Variants in SNX11 observed in about 807,000 individuals in gnomAD.
The protein encoded by SNX11 is sorting nexin-11.
A neutral mutation model predicts 30.7 loss-of-function variants in SNX11; 19 were observed. The observed-to-expected ratio is 0.62, with a 90% confidence interval of 0.43 to 0.91. The LOEUF (loss-of-function observed/expected upper bound fraction) is 0.91. Among genes scored for constraint, SNX11 ranks in the 40% least tolerant of loss-of-function variants. SNX11 has a pLI of 0.00. For synonymous variants in SNX11, 112 were observed against 119.0 expected, an observed-to-expected ratio of 0.94 and a Z score of 0.38; for missense variants, 302 against 326.7, an observed-to-expected ratio of 0.92 and a Z score of 0.58.
In SNX11 at chr17:48,120,355, T is replaced by C. The variant is rs552506314; in HGVS notation, c.540-880T>C. 1.3e-4 allele frequency among the ~76,000 whole-genome samples: 20 copies of C among 150,724 alleles called. 1 individual carries two copies. The South Asian group carries it at 3.4e-3, about 25-fold the overall frequency. On this transcript the variant is annotated intron_variant, in intron 6 of 6. Coordinates refer to ENST00000359238, the MANE Select transcript of SNX11 (RefSeq NM_013323.3). ...CCTAGTAGCTGGGATTACAGGCACC[T>C]GCCACCACACCCAGCTAAGTTTTTG...
rs760278619 is a variant in SNX11, at chr17:48,119,104, C to T, written c.457C>T (p.Arg153Ter). ...CATGACTGTGTCTGATGCCATTCTTCGATATGCTATGTCAAACTGTGGCTG... is the reference window on the plus strand; with the variant it reads ...CATGACTGTGTCTGATGCCATTCTTTGATATGCTATGTCAAACTGTGGCTG... ...STMTVSDAIL[R>*]YAMSNCGWAQ... The change falls in exon 6 of 7, where the codon CGA (arginine) becomes TGA (stop). Residue 153 changes from arginine to a stop codon, truncating the protein, a stop_gained. Transcript: ENST00000359238. LOFTEE classifies it high-confidence loss of function. The T allele has an allele frequency of 7.4e-6, 12 of 1,613,870 alleles. No individual in the cohort carries two copies. In the East Asian group the frequency reaches 1.1e-4, roughly 15 times the overall value.
At position 48,114,216 on chromosome 17, in the gene SNX11, C is replaced by T. The variant is rs143473548; in HGVS notation, c.230+815C>T. Among the ~76,000 whole-genome samples the T allele has an allele frequency of 8.0e-3, 1,165 of 144,938 alleles. 8 individuals carry two copies. Among genetic ancestry groups the T allele is most frequent in the Non-Finnish European group, 0.012 (805 of 66,470 alleles). ...GAGTTTTGCTCTTGTTGCCTGGGTG[C>T]GATCTCGGCTCACCGCAACCTCCAC... is the stretch of plus-strand genomic sequence containing the variant. On this transcript the variant is annotated intron_variant, in intron 4 of 6. Transcript: ENST00000359238.
chr17:48,119,831 G>A (rs2063580749), intron 6 of SNX11, among the ~76,000 whole-genome samples: 1 of 152,150 alleles, frequency 6.6e-6, no homozygotes, highest in African/African-American at 2.4e-5. Flanking sequence ...TCACAGGGTT[G>A]TATAACTGTC....
chr17:48,116,902 T>C (rs12939514), intron 4 of SNX11, among the ~76,000 whole-genome samples: 139,102 of 148,526 alleles, frequency 0.94, 65,281 homozygotes, highest in African/African-American at 0.99. Flanking sequence ...TGCTCCTGTC[T>C]CATCCTGCAG....
intron 3 of SNX11, 86 bp from the exon 4 acceptor site, chr17:48,113,215 C>T: frequency 9.0e-7 from 1 of 1,105,716 alleles, no homozygotes; most frequent in Admixed American, 1.7e-5. Flanking sequence ...CATGGCTCCT[C>T]AGTGAAAGCA....
At chr17:48,113,267 C>A (rs1463790924) in intron 3 of SNX11, 34 bp from the exon 4 acceptor site, 1 of 1,548,540 alleles carries the variant, frequency 6.5e-7, no homozygotes, top group Non-Finnish European at 8.9e-7. Context: ...TCCACTAAAC[C>A]CTTTTCATGT....
At chr17:48,114,684 C>T (rs867254562) in intron 4 of SNX11, among the ~76,000 whole-genome samples, 24 of 112,854 alleles carry the variant, frequency 2.1e-4, no homozygotes, top group African/African-American at 4.2e-4. Context: ...GTTTTTTTTG[C>T]TTTTTTTTTT....
Position 48,119,137 on chromosome 17 carries a change from G to A in SNX11, c.490G>A (p.Glu164Lys), listed in dbSNP as rs2063574720. ...YAMSNCGWAQ[E>K]ERQSSSHLAK... ...TATGTCAAACTGTGGCTGGGCCCAGGAAGAGAGGCAGAGCTCTTCTCACCT... is the reference window on the plus strand; with the variant it reads ...TATGTCAAACTGTGGCTGGGCCCAGAAAGAGAGGCAGAGCTCTTCTCACCT... The change falls in exon 6 of 7, where the codon GAA becomes AAA. Residue 164 changes from glutamate to lysine, a missense_variant. Coordinates refer to ENST00000359238, the MANE Select transcript of SNX11 (RefSeq NM_013323.3). The A allele has an allele frequency of 6.2e-7, 1 of 1,614,142 alleles. No homozygotes were observed. The highest frequency in any genetic ancestry group is 8.5e-7 in the Non-Finnish European group (1 of 1,180,040).
At chr17:48,111,766 C>T (rs1274416100) in intron 1 of SNX11, among the ~76,000 whole-genome samples, 1 of 152,046 alleles carries the variant, frequency 6.6e-6, no homozygotes. Flanking sequence ...GACAAACTTT[C>T]TGTAGACTCC....
intron 4 of SNX11, among the ~76,000 whole-genome samples, chr17:48,115,856 T>C (rs77769564): frequency 0.027 from 4,151 of 151,504 alleles, 72 homozygotes; most frequent in African/African-American, 0.036. Flanking sequence ...CAGGCCCTAA[T>C]AAACCAGGTG....
chr17:48,109,743 A>T (rs1377688564), intron 1 of SNX11, among the ~76,000 whole-genome samples: 3 of 151,596 alleles, frequency 2.0e-5, no homozygotes, highest in African/African-American at 4.8e-5. Flanking sequence ...ACGCCCGCTA[A>T]TTTTTTTTAT....
At chr17:48,111,031 A>C (rs891696344) in intron 1 of SNX11, 11 of 941,854 alleles carry the variant, frequency 1.2e-5, no homozygotes, top group Admixed American at 6.2e-5. Context: ...GGCTTTAATG[A>C]ATCTTTACAA....
chr17:48,111,207 C>A, intron 1 of SNX11: 2 of 752,738 alleles, frequency 2.7e-6, no homozygotes, highest in Non-Finnish European at 3.2e-6. Context: ...CACTCAGGTG[C>A]TCCTTGGAGT....
chr17:48,108,147 ACT>A (rs1481196330), intron 1 of SNX11, among the ~76,000 whole-genome samples: 1 of 151,984 alleles, frequency 6.6e-6, no homozygotes, highest in Non-Finnish European at 1.5e-5. Flanking sequence ...GTAGTAAAAG[ACT>A]CTGGGGACAT....
chr17:48,117,964 A>G (rs1174519270), intron 4 of SNX11, among the ~76,000 whole-genome samples: 1 of 152,158 alleles, frequency 6.6e-6, no homozygotes, highest in Non-Finnish European at 1.5e-5. Flanking sequence ...GCGGCGAGCT[A>G]TGCTCACGTT....
At chr17:48,108,259 GT>G (rs1033510707) in intron 1 of SNX11, among the ~76,000 whole-genome samples, 2 of 152,230 alleles carry the variant, frequency 1.3e-5, no homozygotes, top group African/African-American at 4.8e-5. Flanking sequence ...TACCTTCCAA[GT>G]GAAAGGCGTA....
chr17:48,119,049 G>A lies in SNX11; in HGVS notation c.402G>A (p.Glu134=), dbSNP rs577145710. The change falls in exon 6 of 7, where the codon GAG becomes GAA. Residue 134 remains glutamate, a synonymous_variant. Coordinates refer to ENST00000359238, the MANE Select transcript of SNX11 (RefSeq NM_013323.3). ...LFLQSQLSVP[E]IEACVQGRST... Reference sequence around the variant, plus strand: ...TGCAAAGCCAGCTCTCGGTGCCTGAGATAGAAGCCTGTGTCCAGGGCCGAA... The same window carrying A: ...TGCAAAGCCAGCTCTCGGTGCCTGAAATAGAAGCCTGTGTCCAGGGCCGAA... 2 of 1,614,150 alleles carry A rather than the reference G, an allele frequency of 1.2e-6. No individual in the cohort carries two copies. Among genetic ancestry groups the A allele is most frequent in the African/African-American group, 2.7e-5 (2 of 75,054 alleles).
At chr17:48,110,987 G>A (rs1044518468) in intron 1 of SNX11, 3 of 598,894 alleles carry the variant, frequency 5.0e-6, no homozygotes, top group Non-Finnish European at 4.2e-6. Context: ...CGCTATACAC[G>A]TGAACTGCCA....
intron 3 of SNX11, among the ~76,000 whole-genome samples, chr17:48,113,100 G>A (rs1248990436): frequency 6.6e-6 from 1 of 152,108 alleles, no homozygotes; most frequent in Non-Finnish European, 1.5e-5. Context: ...AAGAAAGGGA[G>A]GGAGGAAAGG....
Sources: allele counts gnomAD v4.1 joint callset (sites outside exome capture counted in the v4.1 genomes callset), GRCh38; gene constraint gnomAD v4.1.1; transcripts MANE v1.5; gene names NCBI Gene and HGNC (gene_info 2026-07-23, HGNC 2026-07-21).